MAF: variants seen among roughly 807,000 people sequenced by gnomAD.
MAF encodes MAF bZIP transcription factor, also known as transcription factor Maf.
In MAF, 10 loss-of-function variants were observed where a neutral mutation model predicts 22.0. That is an observed-to-expected ratio of 0.45 (90% CI 0.28 to 0.77). The LOEUF (loss-of-function observed/expected upper bound fraction) is 0.77, where lower values mean the gene tolerates loss of function less well. Ranked by LOEUF, MAF falls within the 30% of genes least tolerant of loss-of-function variation. The pLI, the probability that MAF is intolerant of heterozygous loss-of-function variation, is 0.12. For missense variants in MAF, 544 were observed against 548.4 expected, an observed-to-expected ratio of 0.99 and a Z score of 0.08; for synonymous variants, 337 against 255.8, an observed-to-expected ratio of 1.32 and a Z score of -3.03.
At chr16:79,596,559 G>C in intron 1 of MAF, 1 of 1,048,638 alleles carries the variant, frequency 9.5e-7, no homozygotes, top group South Asian at 4.6e-5. Flanking sequence ...AAAGCACATA[G>C]GAACAACACG....
the MAF span, among the ~76,000 whole-genome samples, chr16:79,295,450 T>C: frequency 1.3e-5 from 2 of 152,202 alleles, no homozygotes; most frequent in Admixed American, 6.5e-5. Context: ...TACAGCTCGG[T>C]GTTTGCCTTA....
Position 79,598,940 on chromosome 16 carries a change from G to T in MAF, c.963C>A (p.Asn321Lys). 1 of 1,613,690 alleles carries T rather than the reference G, an allele frequency of 6.2e-7. No homozygotes were observed. Among genetic ancestry groups the T allele is most frequent in the Non-Finnish European group, 8.5e-7 (1 of 1,179,950 alleles). ...QQRHVLESEK[N>K]QLLQQVDHLK... ...GGTGGTCGACTTGCTGCAGCAGCTG[G>T]TTCTTCTCCGACTCCAGGACGTGTC... Residue 321 changes from asparagine (N) to lysine (K), a missense_variant, in exon 1 of 2, where the codon AAC becomes AAA. Physicochemically the swap from Asn to Lys is moderately conservative, Grantham distance 94. Transcript: ENST00000326043.
the MAF span, among the ~76,000 whole-genome samples, chr16:79,353,824 T>C: frequency 6.6e-6 from 1 of 152,096 alleles, no homozygotes; most frequent in African/African-American, 2.4e-5. Flanking sequence ...TCTCAAAGTC[T>C]TATTTAGTGT....
chr16:79,441,746 G>A, the MAF span, among the ~76,000 whole-genome samples: 20 of 152,302 alleles, frequency 1.3e-4, no homozygotes, highest in Non-Finnish European at 5.9e-5. Flanking sequence ...ATGTTTTGGG[G>A]GGTTCGGTGA....
the MAF span, among the ~76,000 whole-genome samples, chr16:79,468,207 T>G: frequency 1.3e-5 from 2 of 151,950 alleles, 1 homozygote; most frequent in Admixed American, 1.3e-4. Flanking sequence ...AAGGTACAGG[T>G]GAAATGGGGT....
chr16:79,276,781 G>T, the MAF span, among the ~76,000 whole-genome samples: 11 of 152,200 alleles, frequency 7.2e-5, no homozygotes, highest in African/African-American at 2.6e-4. Flanking sequence ...ACCATAAAAC[G>T]CATGGCCTAG....
At chr16:79,324,991 C>T in the MAF span, among the ~76,000 whole-genome samples, 1 of 152,118 alleles carries the variant, frequency 6.6e-6, no homozygotes, top group Admixed American at 6.5e-5. Flanking sequence ...CCAATCTCTG[C>T]CTCCATCTTC....
At chr16:79,504,814 G>T in the MAF span, among the ~76,000 whole-genome samples, 71 of 152,158 alleles carry the variant, frequency 4.7e-4, 1 homozygote, top group Admixed American at 4.7e-3. Flanking sequence ...GTTTGGAGGG[G>T]ACAATATACA....
At chr16:79,232,770 G>A in the MAF span, among the ~76,000 whole-genome samples, 6 of 151,348 alleles carry the variant, frequency 4.0e-5, no homozygotes, top group Admixed American at 4.0e-4. Context: ...AGATAATGCA[G>A]AAGTCCCTGA....
the MAF span, among the ~76,000 whole-genome samples, chr16:79,514,022 T>C: frequency 6.6e-6 from 1 of 152,236 alleles, no homozygotes; most frequent in Non-Finnish European, 1.5e-5. Context: ...GAACATTTAA[T>C]ATCTGTTCTC....
the MAF span, among the ~76,000 whole-genome samples, chr16:79,481,002 T>C: frequency 6.6e-6 from 1 of 152,174 alleles, no homozygotes; most frequent in Non-Finnish European, 1.5e-5. Context: ...TCGCTCCACT[T>C]TACTTTTCTT....
At chr16:79,222,652 A>G in the MAF span, among the ~76,000 whole-genome samples, 1 of 152,172 alleles carries the variant, frequency 6.6e-6, no homozygotes, top group South Asian at 2.1e-4. Context: ...CAGAGACACA[A>G]ATAGGCTCAA....
chr16:79,304,555 C>T, the MAF span, among the ~76,000 whole-genome samples: 1 of 151,932 alleles, frequency 6.6e-6, no homozygotes, highest in South Asian at 2.1e-4. Flanking sequence ...CTTTTGATTC[C>T]ATAAGTTGGA....
the MAF span, among the ~76,000 whole-genome samples, chr16:79,298,560 C>A: frequency 6.6e-6 from 1 of 152,200 alleles, no homozygotes; most frequent in Non-Finnish European, 1.5e-5. Flanking sequence ...ACGGGCCTCT[C>A]TTCCAGCCAG....
the MAF span, among the ~76,000 whole-genome samples, chr16:79,297,515 G>T: frequency 6.6e-6 from 1 of 152,142 alleles, no homozygotes; most frequent in Non-Finnish European, 1.5e-5. Flanking sequence ...TGGTAGTTGT[G>T]CTTCTTTGGG....
At chr16:79,418,066 C>A in the MAF span, among the ~76,000 whole-genome samples, 15 of 152,170 alleles carry the variant, frequency 9.9e-5, no homozygotes, top group South Asian at 2.9e-3. Flanking sequence ...AAATCCTTGA[C>A]CCTTTTTTAC....
chr16:79,308,646 G>T, the MAF span, among the ~76,000 whole-genome samples: 13 of 152,290 alleles, frequency 8.5e-5, no homozygotes, highest in African/African-American at 2.9e-4. Flanking sequence ...CCTATTAACA[G>T]TTGCCTGGGA....
At chr16:79,235,086 G>C in the MAF span, among the ~76,000 whole-genome samples, 1 of 152,072 alleles carries the variant, frequency 6.6e-6, no homozygotes. Context: ...AAGCAATAAA[G>C]ACAATGATAG....
the MAF span, among the ~76,000 whole-genome samples, chr16:79,251,002 C>G: frequency 3.3e-5 from 5 of 152,192 alleles, no homozygotes; most frequent in Non-Finnish European, 7.3e-5. Context: ...TTGTTAAGTG[C>G]TTAGCACCTG....
Sources: gnomAD v4.1 joint callset for allele counts (sites outside exome capture counted in the v4.1 genomes callset) on GRCh38, gnomAD v4.1.1 for gene constraint, MANE v1.5 for transcripts, NCBI Gene and HGNC (gene_info 2026-07-23, HGNC 2026-07-21) for gene names.